Variants in RB1 observed in about 807,000 individuals in gnomAD.
The protein encoded by RB1 is retinoblastoma-associated protein.
RB1 carries 18 observed loss-of-function variants against 135.4 expected under a neutral mutation model. That is an observed-to-expected ratio of 0.13 (90% CI 0.09 to 0.20). RB1 has a LOEUF of 0.20. Ranked by LOEUF, RB1 falls within the 10% of genes least tolerant of loss-of-function variation. The pLI is 1.00. For synonymous variants in RB1, 365 were observed against 373.2 expected (o/e 0.98, Z 0.25); for missense variants, 868 against 1,110.0 (o/e 0.78, Z 3.10).
chr13:48,310,727 T>G (rs925316332), intron 2 of RB1, among the ~76,000 whole-genome samples: 1 of 152,172 alleles, frequency 6.6e-6, no homozygotes, highest in Non-Finnish European at 1.5e-5. Context: ...TAGTAATGTT[T>G]GTTAAAATTC....
At chr13:48,416,061 A>G (rs1593490884) in intron 17 of RB1, among the ~76,000 whole-genome samples, 1 of 152,208 alleles carries the variant, frequency 6.6e-6, no homozygotes, top group Non-Finnish European at 1.5e-5. Flanking sequence ...CACTTCTGGA[A>G]CTTAACTCTG....
chr13:48,332,837 A>G (rs1343999389), intron 2 of RB1, among the ~76,000 whole-genome samples: 1 of 152,218 alleles, frequency 6.6e-6, no homozygotes, highest in Non-Finnish European at 1.5e-5. Context: ...ATCCACAGAT[A>G]GTACTTAACC....
intron 17 of RB1, among the ~76,000 whole-genome samples, chr13:48,423,552 A>C (rs1188290902): frequency 6.6e-6 from 1 of 152,250 alleles, no homozygotes; most frequent in Non-Finnish European, 1.5e-5. Flanking sequence ...CCACAATAAG[A>C]CACCGTGTTC....
intron 2 of RB1, among the ~76,000 whole-genome samples, chr13:48,325,421 A>G (rs775194417): frequency 7.2e-5 from 11 of 152,118 alleles, no homozygotes; most frequent in Non-Finnish European, 1.5e-4. Flanking sequence ...ATTTTACCCA[A>G]TTGAAGTCTT....
At chr13:48,349,425 A>G (rs754525526) in intron 6 of RB1, among the ~76,000 whole-genome samples, 1 of 151,934 alleles carries the variant, frequency 6.6e-6, no homozygotes, top group Non-Finnish European at 1.5e-5. Context: ...TAGAATTTTT[A>G]TTATTTTTGT....
chr13:48,449,128 T>C (rs962497516), intron 17 of RB1, among the ~76,000 whole-genome samples: 1 of 152,236 alleles, frequency 6.6e-6, no homozygotes, highest in African/African-American at 2.4e-5. Context: ...TCTTTCTTTT[T>C]AAATTTCTTC....
intron 6 of RB1, among the ~76,000 whole-genome samples, chr13:48,358,484 G>A (rs2138105525): frequency 6.6e-6 from 1 of 152,208 alleles, no homozygotes; most frequent in South Asian, 2.1e-4. Flanking sequence ...GGAGGTAAGG[G>A]AGAAAGTAGA....
intron 2 of RB1, chr13:48,317,094 T>C: frequency 1.1e-6 from 1 of 904,640 alleles, no homozygotes; most frequent in Non-Finnish European, 1.5e-6. Context: ...GCCGTCCTTC[T>C]TCGCCAGCAA....
At chr13:48,442,905 C>T (rs1041476040) in intron 17 of RB1, among the ~76,000 whole-genome samples, 2 of 152,178 alleles carry the variant, frequency 1.3e-5, no homozygotes, top group East Asian at 3.9e-4. Flanking sequence ...CCCAACACCA[C>T]AAAGTAACTT....
intron 17 of RB1, among the ~76,000 whole-genome samples, chr13:48,407,914 G>A (rs1304844561): frequency 1.3e-5 from 2 of 152,128 alleles, no homozygotes; most frequent in African/African-American, 4.8e-5. Flanking sequence ...AAGTTTAGGT[G>A]CTGGAAGGTA....
At chr13:48,383,321 GC>G (rs1471679211) in intron 17 of RB1, among the ~76,000 whole-genome samples, 1 of 151,996 alleles carries the variant, frequency 6.6e-6, no homozygotes, top group Non-Finnish European at 1.5e-5. Context: ...TATTGATAAG[GC>G]TTTTGTTTTA....
In RB1 at chr13:48,381,248, A is replaced by C. The variant is rs1368944270; in HGVS notation, c.1500A>C (p.Arg500Ser). The C allele has an allele frequency of 1.2e-6, 2 of 1,603,820 alleles. No homozygotes were observed. The highest frequency in any genetic ancestry group is 1.7e-6 in the Non-Finnish European group (2 of 1,175,822). The change falls in exon 17 of 27, where the codon AGA becomes AGC. Residue 500 changes from arginine (R) to serine (S), a missense_variant and splice_region_variant. Arg to Ser is a moderately radical substitution (Grantham distance 110, BLOSUM62 -1). Coordinates refer to ENST00000267163, the MANE Select transcript of RB1 (RefSeq NM_000321.3). ...ALEVVMATYS[R>S]STSQNLDSGT... ...GTTACTTTTTTTTTTCATTTTTAGG[A>C]AGTACATCTCAGAATCTTGATTCTG...
At chr13:48,353,735 A>G (rs1952568341) in intron 6 of RB1, among the ~76,000 whole-genome samples, 1 of 152,158 alleles carries the variant, frequency 6.6e-6, no homozygotes, top group Non-Finnish European at 1.5e-5. Context: ...CATTAGATAG[A>G]TCATTCATTA....
Position 48,379,447 on chromosome 13 carries a change from G to A in RB1, c.1333-147G>A, listed in dbSNP as rs760652102. ...TGCCTATAATCCCAGCCTCTTGGGA[G>A]GCCAAAGCAGGAGGATCTCTTGAGC... On this transcript the variant is annotated intron_variant, in intron 13 of 26. Coordinates refer to ENST00000267163, the MANE Select transcript of RB1 (RefSeq NM_000321.3). The A allele has an allele frequency of 1.0e-5, 11 of 1,050,028 alleles. No individual in the cohort carries two copies. The South Asian group carries it at 1.3e-4, about 12-fold the overall frequency. 65.0% of individuals were successfully genotyped at this position (1,050,028 alleles called of 1,614,324 possible). A position where few individuals can be genotyped will look rare whatever the true frequency, so the allele number is the denominator to read the frequency against.
chr13:48,307,177 C>G (rs1952087605), intron 1 of RB1, 103 bp from the exon 2 acceptor site: 9 of 878,768 alleles, frequency 1.0e-5, no homozygotes, highest in Non-Finnish European at 1.4e-5. Context: ...TAATAATGTT[C>G]TTTTTCACAG....
In RB1 at chr13:48,465,922, C is replaced by T. The variant is rs570618916; in HGVS notation, c.2489+554C>T. Reference sequence around the variant, plus strand: ...AGAGGGTCCTACGCCCACGGAATCTCGCTGATTGCTAGCACAGCAGTCTGT... The same window carrying T: ...AGAGGGTCCTACGCCCACGGAATCTTGCTGATTGCTAGCACAGCAGTCTGT... On this transcript the variant is annotated intron_variant, in intron 23 of 26. Coordinates refer to ENST00000267163, the MANE Select transcript of RB1 (RefSeq NM_000321.3). Among the ~76,000 whole-genome samples the T allele has an allele frequency of 6.9e-3, 1,014 of 147,438 alleles. 11 individuals carry two copies. The highest frequency in any genetic ancestry group is 0.022 in the African/African-American group (915 of 40,686).
At chr13:48,413,630 G>A (rs1002481628) in intron 17 of RB1, among the ~76,000 whole-genome samples, 2 of 152,230 alleles carry the variant, frequency 1.3e-5, no homozygotes, top group African/African-American at 4.8e-5. Flanking sequence ...ATCATTATGA[G>A]TAGCTCTTAT....
intron 4 of RB1, 54 bp downstream of exon 4, chr13:48,345,253 C>A: frequency 6.4e-7 from 1 of 1,559,870 alleles, no homozygotes; most frequent in South Asian, 1.1e-5. Flanking sequence ...TCATTGTTCA[C>A]AATTAGATTC....
At chr13:48,313,564 G>A (rs1355138627) in intron 2 of RB1, among the ~76,000 whole-genome samples, 1 of 149,520 alleles carries the variant, frequency 6.7e-6, no homozygotes, top group Non-Finnish European at 1.5e-5. Context: ...TATGATGTGA[G>A]GAAGAGGTCT....
Sources: allele counts gnomAD v4.1 joint callset (sites outside exome capture counted in the v4.1 genomes callset), GRCh38; gene constraint gnomAD v4.1.1; transcripts MANE v1.5; gene names NCBI Gene and HGNC (gene_info 2026-07-23, HGNC 2026-07-21).